TSC2: variants seen among roughly 807,000 people sequenced by gnomAD.
TSC2 encodes TSC complex subunit 2.
A neutral mutation model predicts 202.2 loss-of-function variants in TSC2; 29 were observed. The observed-to-expected ratio is 0.14, with a 90% confidence interval of 0.11 to 0.20. TSC2 has a LOEUF of 0.20. TSC2 is among the 10% of genes least tolerant of loss of function. The pLI, the probability that TSC2 is intolerant of heterozygous loss-of-function variation, is 1.00. For synonymous variants in TSC2, 1,349 were observed against 1,044.0 expected (o/e 1.29, Z -5.63); for missense variants, 2,429 against 2,420.0 (o/e 1.00, Z -0.08).
At position 2,088,874 on chromosome 16, in the gene TSC2, C is replaced by CGCGT; in HGVS notation, c.*267_*268insTGCG. The CGCGT allele has an allele frequency of 4.2e-6, 2 of 473,788 alleles. No individual in the cohort carries two copies. The highest frequency in any genetic ancestry group is 7.5e-6 in the Non-Finnish European group (2 of 268,350). 29.3% of individuals were successfully genotyped at this position (473,788 alleles called of 1,614,324 possible). On this transcript the variant is annotated 3_prime_UTR_variant, in exon 42 of 42. Coordinates refer to ENST00000219476, the MANE Select transcript of TSC2 (RefSeq NM_000548.5). ...GGGCCATACAGCACACTCGCGCGTG[C>CGCGT]GCGCGCGCACACACACACACACACA...
intron 31 of TSC2, chr16:2,082,049 C>G (rs1596402085): frequency 1.6e-6 from 1 of 624,464 alleles, no homozygotes. Context: ...CCAGCATCCT[C>G]CGTGGGGAGT....
rs116741079 is a variant in TSC2 at position 2,078,534 on chromosome 16, T to C, written c.2967-498T>C. On this transcript the variant is annotated intron_variant, in intron 26 of 41. Transcript: ENST00000219476. Reference sequence around the variant, plus strand: ...TATTGCCTAGGGGCTATGAAATTTGTATCAGAATGAACTCCCATAAGCCTC... The same window carrying C: ...TATTGCCTAGGGGCTATGAAATTTGCATCAGAATGAACTCCCATAAGCCTC... 290 of 217,476 alleles carry C rather than the reference T, an allele frequency of 1.3e-3. 2 individuals are homozygous for C. The highest frequency in any genetic ancestry group is 6.4e-3 in the African/African-American group (276 of 43,030). The allele number at this position is 217,476 out of a possible 1,614,324, so 13.5% of individuals were successfully genotyped here.
intron 26 of TSC2, among the ~76,000 whole-genome samples, chr16:2,077,963 C>T (rs980775122): frequency 2.0e-5 from 3 of 152,218 alleles, no homozygotes; most frequent in Admixed American, 1.3e-4. Context: ...CCGAGAGAGC[C>T]AGGCGTGCCG....
intron 4 of TSC2, chr16:2,054,029 G>A (rs976601372): frequency 2.4e-5 from 13 of 548,606 alleles, no homozygotes; most frequent in Admixed American, 9.2e-5. Flanking sequence ...GGCAGGAGCT[G>A]TGTCATCCCC....
In TSC2 at chr16:2,056,701, C is replaced by T; in HGVS notation, c.706C>T (p.Leu236Phe). The T allele has an allele frequency of 6.2e-7, 1 of 1,612,664 alleles. No individual in the cohort carries two copies. The highest frequency in any genetic ancestry group is 1.1e-5 in the South Asian group (1 of 91,086). Residue 236 changes from leucine (L) to phenylalanine (F), a missense_variant, in exon 8 of 42, where the codon CTC becomes TTC. Leu to Phe is a conservative substitution (Grantham distance 22). Coordinates refer to ENST00000219476, the MANE Select transcript of TSC2 (RefSeq NM_000548.5). Reference sequence around the variant, plus strand: ...CTACAACTGCCTGCCGGCTGAGAGCCTCCCGCTGTTCATCGTTACCCTCTG... The same window carrying T: ...CTACAACTGCCTGCCGGCTGAGAGCTTCCCGCTGTTCATCGTTACCCTCTG... ...VCYNCLPAES[L>F]PLFIVTLCRT... is the part of the protein sequence containing the mutation.
intron 38 of TSC2, 112 bp downstream of exon 38, chr16:2,086,983 A>G: frequency 1.3e-6 from 2 of 1,487,618 alleles, no homozygotes; most frequent in South Asian, 2.4e-5. Context: ...GCAGGAGGAG[A>G]GGCCGCAGTG....
chr16:2,089,260 A>G lies in TSC2; in HGVS notation c.*650A>G, dbSNP rs1023827234. 1 of 185,212 alleles carries G rather than the reference A, an allele frequency of 5.4e-6. No homozygotes were observed. Among genetic ancestry groups the G allele is most frequent in the Non-Finnish European group, 1.1e-5 (1 of 88,998 alleles). The allele number at this position is 185,212 out of a possible 1,614,324, so 11.5% of individuals were successfully genotyped here. On this transcript the variant is annotated 3_prime_UTR_variant, in exon 42 of 42. Transcript: ENST00000219476. ...AATAGTGACATACAAAAATATACAC[A>G]TTTTAACACCATATAAATTACTGAC...
chr16:2,076,688 C>G, intron 25 of TSC2, 103 bp downstream of exon 25: 1 of 1,165,212 alleles, frequency 8.6e-7, no homozygotes, highest in Non-Finnish European at 1.2e-6. Flanking sequence ...GGAAATGGGT[C>G]CTGTGTGCCC....
At chr16:2,088,189 C>T (rs375275181) in intron 40 of TSC2, 38 bp from the exon 41 acceptor site, 9 of 1,612,800 alleles carry the variant, frequency 5.6e-6, no homozygotes, top group East Asian at 2.2e-5. Context: ...GCCCAGGTGC[C>T]ACCTGATAGT....
rs570483659 is a variant in TSC2 at position 2,049,606 on chromosome 16, C to G, written c.139-794C>G. 1.7e-3 allele frequency among the ~76,000 whole-genome samples: 251 copies of G among 151,926 alleles called. 1 individual carries two copies. The highest frequency in any genetic ancestry group is 5.7e-3 in the African/African-American group (236 of 41,516). On this transcript the variant is annotated intron_variant, in intron 2 of 41. Transcript: ENST00000219476. ...TTGGGAGGCCGAGGCGGGTGGATCACCTGAGGTCAGGAGTTTGAGACCAGC... is the reference window on the plus strand; with the variant it reads ...TTGGGAGGCCGAGGCGGGTGGATCAGCTGAGGTCAGGAGTTTGAGACCAGC...
rs555453899 is a variant in TSC2 at position 2,089,376 on chromosome 16, C to T, written c.*766C>T. 2 of 399,426 alleles carry T rather than the reference C, an allele frequency of 5.0e-6. No homozygotes were observed. Among genetic ancestry groups the T allele is most frequent in the East Asian group, 9.2e-5 (2 of 21,854 alleles). 24.7% of individuals were successfully genotyped at this position (399,426 alleles called of 1,614,324 possible). On this transcript the variant is annotated 3_prime_UTR_variant, in exon 42 of 42. Transcript: ENST00000219476. ...AGGGTGGCGGCGGTGCAGGCTAACCCTCCCTGAAGCCAGCAGCCTTAGCAG... is the reference window on the plus strand; with the variant it reads ...AGGGTGGCGGCGGTGCAGGCTAACCTTCCCTGAAGCCAGCAGCCTTAGCAG...
chr16:2,087,818 A>G (rs748352515), intron 38 of TSC2, 45 bp from the exon 39 acceptor site: 6 of 1,599,152 alleles, frequency 3.8e-6, no homozygotes, highest in South Asian at 2.2e-5. Flanking sequence ...ATCAGCCTTC[A>G]GCACACGCTG....
rs372045362 is a variant in TSC2 at position 2,081,585 on chromosome 16, G to A, written c.3611-10G>A. 769 of 1,612,858 alleles carry A rather than the reference G, an allele frequency of 4.8e-4. 13 individuals carry two copies. The South Asian group carries it at 8.0e-3, about 17-fold the overall frequency. On this transcript the variant is annotated splice_polypyrimidine_tract_variant and intron_variant, in intron 30 of 41. Coordinates refer to ENST00000219476, the MANE Select transcript of TSC2 (RefSeq NM_000548.5). ...CTGGCCTCAGGCCAAAGGTGCTGCC[G>A]CCTCCGCAGGGAACACCAGCTGGCT...
At chr16:2,049,820 G>A (rs555975350) in intron 2 of TSC2, among the ~76,000 whole-genome samples, 6 of 151,540 alleles carry the variant, frequency 4.0e-5, no homozygotes, top group South Asian at 2.1e-4. Flanking sequence ...GCAAAACTCC[G>A]TCTAAAAAAA....
intron 16 of TSC2, 76 bp downstream of exon 16, chr16:2,065,711 G>A: frequency 1.5e-6 from 2 of 1,345,936 alleles, no homozygotes; most frequent in South Asian, 1.2e-5. Flanking sequence ...GCGTTGTGTT[G>A]GAGTCTGTTC....
Position 2,064,266 on chromosome 16 carries a change from G to C in TSC2, c.1444-6G>C. The C allele has an allele frequency of 6.2e-7, 1 of 1,613,920 alleles. No individual in the cohort carries two copies. The highest frequency in any genetic ancestry group is 8.5e-7 in the Non-Finnish European group (1 of 1,180,034). On this transcript the variant is annotated splice_region_variant and splice_polypyrimidine_tract_variant and intron_variant, in intron 14 of 41. Transcript: ENST00000219476. Reference sequence around the variant, plus strand: ...GCGCTCATTGGCCTCCCTTGTGCCTGTGCAGGAGGAGCTGATTAACTCAGT... The same window carrying C: ...GCGCTCATTGGCCTCCCTTGTGCCTCTGCAGGAGGAGCTGATTAACTCAGT...
In TSC2 at chr16:2,071,960, C is replaced by T. The variant is rs539494211; in HGVS notation, c.2097+26C>T. 3.7e-5 allele frequency: 57 copies of T among 1,554,616 alleles called. No homozygotes were observed. In the African/African-American group the frequency reaches 7.3e-4, roughly 20 times the overall value. ...GTGAGTGGGGCCGGGCAGGGACCAT[C>T]CGTCCCACGTTGGGCCAGGAGGACA... On this transcript the variant is annotated intron_variant, in intron 19 of 41. Transcript: ENST00000219476.
In TSC2 at chr16:2,089,441, C is replaced by T. The variant is rs1044675322; in HGVS notation, c.*831C>T. On this transcript the variant is annotated 3_prime_UTR_variant, in exon 42 of 42. Coordinates refer to ENST00000219476, the MANE Select transcript of TSC2 (RefSeq NM_000548.5). ...CCAGGGGGTGGGGCCGGGCACAGCC[C>T]GCTGTACCTGAGGACTCGGGGAAAT... is the stretch of plus-strand genomic sequence containing the variant. The T allele has an allele frequency of 4.1e-5, 21 of 508,646 alleles. No individual in the cohort carries two copies. The highest frequency in any genetic ancestry group is 3.1e-4 in the African/African-American group (16 of 51,844). The allele number at this position is 508,646 out of a possible 1,614,324, so 31.5% of individuals were successfully genotyped here.
chr16:2,087,487 G>C (rs932358088), intron 38 of TSC2, among the ~76,000 whole-genome samples: 3 of 76,902 alleles, frequency 3.9e-5, no homozygotes, highest in Non-Finnish European at 7.0e-5. Context: ...CAACCAGTTG[G>C]GGGGGGGGGG....
Sources: allele counts gnomAD v4.1 joint callset (sites outside exome capture counted in the v4.1 genomes callset), GRCh38; gene constraint gnomAD v4.1.1; transcripts MANE v1.5; gene names NCBI Gene and HGNC (gene_info 2026-07-23, HGNC 2026-07-21).